The following ERBB4 variants were observed in gnomAD, a reference collection of about 807,000 sequenced individuals.
ERBB4 encodes the protein receptor tyrosine-protein kinase erbB-4.
A neutral mutation model predicts 158.0 loss-of-function variants in ERBB4; 42 were observed. That is an observed-to-expected ratio of 0.27 (90% CI 0.21 to 0.34). The LOEUF (loss-of-function observed/expected upper bound fraction) is 0.34, where lower values mean the gene tolerates loss of function less well. ERBB4 is among the 10% of genes least tolerant of loss of function. The pLI is 1.00. For synonymous variants in ERBB4, 583 were observed against 558.7 expected (o/e 1.04, Z -0.61); for missense variants, 1,333 against 1,624.1 (o/e 0.82, Z 3.08).
intron 1 of ERBB4, among the ~76,000 whole-genome samples, chr2:212,518,755 G>T (rs907065169): frequency 3.3e-5 from 5 of 151,954 alleles, no homozygotes; most frequent in African/African-American, 1.2e-4. Context: ...GGGAGGGGAG[G>T]AATAAGTACT....
chr2:211,944,656 A>C (rs1268736105), intron 3 of ERBB4, among the ~76,000 whole-genome samples: 1 of 152,178 alleles, frequency 6.6e-6, no homozygotes, highest in Non-Finnish European at 1.5e-5. Context: ...GAAGAATTCA[A>C]CTGGATATTG....
intron 2 of ERBB4, 113 bp downstream of exon 2, chr2:212,124,639 G>C: frequency 8.3e-7 from 1 of 1,205,932 alleles, no homozygotes; most frequent in Non-Finnish European, 1.2e-6. Context: ...TATAGTCACA[G>C]TGCCTGCCAG....
intron 1 of ERBB4, among the ~76,000 whole-genome samples, chr2:212,141,187 A>T (rs1302031877): frequency 6.6e-6 from 1 of 151,952 alleles, no homozygotes; most frequent in African/African-American, 2.4e-5. Flanking sequence ...CCTTTTATAA[A>T]TTTAGAACTA....
At chr2:211,805,225 C>T (rs1298388451) in intron 3 of ERBB4, among the ~76,000 whole-genome samples, 2 of 152,076 alleles carry the variant, frequency 1.3e-5, no homozygotes, top group African/African-American at 4.8e-5. Context: ...CTGTGCCTGG[C>T]CCTTTTTAAA....
intron 3 of ERBB4, among the ~76,000 whole-genome samples, chr2:211,801,839 TTATA>T (rs2105891367): frequency 6.6e-6 from 1 of 152,348 alleles, no homozygotes; most frequent in Admixed American, 6.5e-5. Context: ...GGGCATGTGT[TTATA>T]TAGTTATATC....
In ERBB4 at chr2:211,722,418, T is replaced by C. The variant is rs748235433; in HGVS notation, c.858A>G (p.Gly286=). 7.4e-6 allele frequency: 12 copies of C among 1,613,602 alleles called. No individual in the cohort carries two copies. Among genetic ancestry groups the C allele is most frequent in the Non-Finnish European group, 1.0e-5 (12 of 1,179,630 alleles). Reference sequence around the variant, plus strand: ...GTGGACATTTCTTGACACAGAATGCTCCATATGTGTACTTTGCATTGAAAT... The same window carrying C: ...GTGGACATTTCTTGACACAGAATGCCCCATATGTGTACTTTGCATTGAAAT... ...EHNFNAKYTY[G]AFCVKKCPHN... Residue 286 remains glycine (G), a synonymous_variant, in exon 7 of 28, where the codon GGA becomes GGG. Coordinates refer to ENST00000342788, the MANE Select transcript of ERBB4 (RefSeq NM_005235.3).
At chr2:211,478,891 G>T (rs1324252139) in intron 20 of ERBB4, among the ~76,000 whole-genome samples, 2 of 152,012 alleles carry the variant, frequency 1.3e-5, no homozygotes, top group African/African-American at 4.8e-5. Flanking sequence ...GCATAATATT[G>T]AAACTCCTCA....
intron 1 of ERBB4, among the ~76,000 whole-genome samples, chr2:212,399,584 A>ATT (rs2091140161): frequency 8.7e-6 from 1 of 115,244 alleles, no homozygotes; most frequent in Non-Finnish European, 1.8e-5. Flanking sequence ...ATATATATAT[A>ATT]TTGGGCGTGG....
chr2:212,070,996 T>A (rs958969882), intron 2 of ERBB4, among the ~76,000 whole-genome samples: 1 of 151,962 alleles, frequency 6.6e-6, no homozygotes, highest in East Asian at 1.9e-4. Flanking sequence ...GATTAAATGA[T>A]AGACAAAGTA....
At chr2:212,031,797 T>G (rs1040891898) in intron 2 of ERBB4, among the ~76,000 whole-genome samples, 2 of 152,076 alleles carry the variant, frequency 1.3e-5, no homozygotes, top group Admixed American at 1.3e-4. Context: ...ATCACAAAAT[T>G]TTTAGAGAAG....
intron 1 of ERBB4, among the ~76,000 whole-genome samples, chr2:212,286,062 A>G (rs2085949761): frequency 6.6e-6 from 1 of 152,170 alleles, no homozygotes; most frequent in South Asian, 2.1e-4. Context: ...AACATGAGTT[A>G]CACGTTGGCT....
At chr2:212,175,333 T>C (rs192921868) in intron 1 of ERBB4, among the ~76,000 whole-genome samples, 6 of 152,110 alleles carry the variant, frequency 3.9e-5, no homozygotes, top group South Asian at 2.1e-4. Flanking sequence ...CAAAGGCTTA[T>C]TGAGACAGCT....
At chr2:211,997,431 C>T (rs931136764) in intron 2 of ERBB4, among the ~76,000 whole-genome samples, 1 of 151,832 alleles carries the variant, frequency 6.6e-6, no homozygotes, top group African/African-American at 2.4e-5. Context: ...ATGTTGTAAA[C>T]ACATTAAATT....
At chr2:211,888,485 GT>G (rs970742985) in intron 3 of ERBB4, among the ~76,000 whole-genome samples, 2 of 152,190 alleles carry the variant, frequency 1.3e-5, no homozygotes, top group African/African-American at 4.8e-5. Flanking sequence ...TTTTATTTTT[GT>G]TTTTATTCTA....
intron 4 of ERBB4, among the ~76,000 whole-genome samples, chr2:211,753,777 T>C (rs903081765): frequency 4.3e-4 from 64 of 148,696 alleles, no homozygotes; most frequent in Middle Eastern, 3.6e-3. Flanking sequence ...ACATATATTT[T>C]AATGATAACC....
chr2:211,949,772 CCTT>C (rs1177874518), intron 2 of ERBB4, among the ~76,000 whole-genome samples: 1 of 152,084 alleles, frequency 6.6e-6, no homozygotes, highest in Non-Finnish European at 1.5e-5. Context: ...TCAAATATCA[CCTT>C]CTCAGTTGAG....
intron 2 of ERBB4, among the ~76,000 whole-genome samples, chr2:212,047,148 T>TA (rs1029285986): frequency 1.9e-4 from 29 of 151,542 alleles, no homozygotes; most frequent in East Asian, 3.9e-4. Context: ...TAAAATGAAG[T>TA]AAAAAAAAAC....
chr2:211,777,790 T>C (rs768519357), intron 4 of ERBB4: 1 of 152,298 alleles, frequency 6.6e-6, no homozygotes, highest in Non-Finnish European at 1.5e-5. Context: ...AAACCCACAC[T>C]ACTCCCTCCT....
intron 1 of ERBB4, among the ~76,000 whole-genome samples, chr2:212,175,706 G>C (rs1167505994): frequency 2.0e-5 from 3 of 151,318 alleles, no homozygotes; most frequent in African/African-American, 7.3e-5. Context: ...TAGTTTGGAG[G>C]ATCTGAAATT....
Sources: allele counts gnomAD v4.1 joint callset (sites outside exome capture counted in the v4.1 genomes callset), GRCh38; gene constraint gnomAD v4.1.1; transcripts MANE v1.5; gene names NCBI Gene and HGNC (gene_info 2026-07-23, HGNC 2026-07-21).